The following PCNX2 variants were observed in gnomAD, a reference collection of about 807,000 sequenced individuals.
PCNX2 encodes pecanex 2, also known as pecanex-like protein 2.
Under a neutral mutation model 223.8 loss-of-function variants are expected in PCNX2, and 168 were observed. The ratio of observed to expected loss-of-function variants is 0.75; its 90% CI spans 0.66 to 0.85. The LOEUF is 0.85. Among genes scored for constraint, PCNX2 ranks in the 40% least tolerant of loss-of-function variants. The pLI, the probability that PCNX2 is intolerant of heterozygous loss-of-function variation, is 0.00. For missense variants in PCNX2, 2,507 were observed against 2,675.5 expected (o/e 0.94, Z 1.39); for synonymous variants, 1,006 against 1,052.6 (o/e 0.96, Z 0.86).
intron 1 of PCNX2, among the ~76,000 whole-genome samples, chr1:233,272,438 A>G (rs962854414): frequency 5.3e-5 from 8 of 152,212 alleles, no homozygotes; most frequent in African/African-American, 1.9e-4. Flanking sequence ...CAAAAACACA[A>G]TGCAATGCCA....
In PCNX2 at chr1:233,258,521, T is replaced by G. The variant is rs754994504; in HGVS notation, c.1341A>C (p.Glu447Asp). 1 of 1,614,016 alleles carries G rather than the reference T, an allele frequency of 6.2e-7. No homozygotes were observed. The highest frequency in any genetic ancestry group is 8.5e-7 in the Non-Finnish European group (1 of 1,179,890). ...EGGGGGVPCP[E>D]GNGSERTPER... is the part of the protein sequence containing the mutation. Reference sequence around the variant, plus strand: ...CTGGAGTCCTTTCACTTCCATTGCCTTCGGGACAGGGAACACCTCCTCCCC... The same window carrying G: ...CTGGAGTCCTTTCACTTCCATTGCCGTCGGGACAGGGAACACCTCCTCCCC... The change falls in exon 5 of 34, where the codon GAA becomes GAC. Residue 447 changes from glutamate to aspartate, a missense_variant. Coordinates refer to ENST00000258229, the MANE Select transcript of PCNX2 (RefSeq NM_014801.4).
the PCNX2 span, among the ~76,000 whole-genome samples, chr1:233,309,888 AAG>A: frequency 6.6e-6 from 1 of 152,166 alleles, no homozygotes; most frequent in African/African-American, 2.4e-5. Context: ...AAAATTAAAA[AAG>A]AAATAAAAAT....
chr1:233,017,234 T>A, intron 26 of PCNX2, 80 bp from the exon 27 acceptor site: 2 of 1,070,128 alleles, frequency 1.9e-6, no homozygotes, highest in Non-Finnish European at 2.7e-6. Flanking sequence ...GTAAGAGGCA[T>A]GAAATCCCTA....
intron 17 of PCNX2, among the ~76,000 whole-genome samples, chr1:233,172,029 T>G (rs1327432287): frequency 1.3e-5 from 2 of 152,220 alleles, no homozygotes; most frequent in East Asian, 3.9e-4. Flanking sequence ...TTTGTTTGTT[T>G]AGGAAATTCT....
intron 21 of PCNX2, chr1:233,112,869 T>C: frequency 7.8e-7 from 1 of 1,288,460 alleles, no homozygotes; most frequent in Non-Finnish European, 1.0e-6. Context: ...GGCAGAGGAG[T>C]TACTAGCGTG....
At chr1:233,156,332 G>C (rs573269195) in intron 19 of PCNX2, among the ~76,000 whole-genome samples, 2 of 152,180 alleles carry the variant, frequency 1.3e-5, no homozygotes, top group Non-Finnish European at 2.9e-5. Flanking sequence ...TATGCAGAAA[G>C]GAAAGTAAGC....
chr1:233,243,352 G>A (rs775548047), intron 8 of PCNX2, among the ~76,000 whole-genome samples: 1 of 152,182 alleles, frequency 6.6e-6, no homozygotes, highest in African/African-American at 2.4e-5. Context: ...ATGGGGAAAA[G>A]GCTGCTTTTC....
intron 10 of PCNX2, among the ~76,000 whole-genome samples, chr1:233,226,974 T>C (rs1189644755): frequency 6.6e-6 from 1 of 152,210 alleles, no homozygotes; most frequent in Non-Finnish European, 1.5e-5. Context: ...TTATTTCTCA[T>C]TATCTCTTAT....
intron 33 of PCNX2, chr1:232,985,875 C>G: frequency 3.2e-6 from 2 of 626,096 alleles, no homozygotes; most frequent in Non-Finnish European, 5.7e-6. Context: ...TGGGCATTAT[C>G]GTTTACAGGA....
chr1:233,290,841 G>A (rs371059973), intron 1 of PCNX2: 262 of 985,288 alleles, frequency 2.7e-4, no homozygotes, highest in Non-Finnish European at 3.0e-4. Context: ...GCCATAGAAC[G>A]AAAGACAGGC....
Position 233,139,714 on chromosome 1 carries a change from T to G in PCNX2, c.3659A>C (p.His1220Pro). ...LISNHRRLGT[H>P]WDIFLMIIAG... The stretch of plus-strand genomic sequence containing the variant: ...TGAAGATAAACCATTAACCACTTAC[T>G]GGGTACCAAGTCTCCGGTGATTGCT... The change falls in exon 20 of 34, where the codon CAC becomes CCC. Residue 1220 changes from histidine to proline, a missense_variant and splice_region_variant. His to Pro is a moderately conservative substitution (Grantham distance 77, BLOSUM62 -2). Transcript: ENST00000258229. This position sits in a 1 kb window ranked among gnomAD's most constrained non-coding sequence, Gnocchi z 4.4. 6.3e-7 allele frequency: 1 copy of G among 1,597,162 alleles called. No individual in the cohort carries two copies. The highest frequency in any genetic ancestry group is 2.2e-5 in the East Asian group (1 of 44,614).
intron 27 of PCNX2, among the ~76,000 whole-genome samples, chr1:233,015,850 A>T (rs932483083): frequency 4.6e-5 from 7 of 152,066 alleles, no homozygotes; most frequent in Non-Finnish European, 7.4e-5. Context: ...CTCCAGCCTA[A>T]GGAGAGTGAG....
At chr1:233,103,192 T>G (rs1345803306) in intron 21 of PCNX2, among the ~76,000 whole-genome samples, 2 of 152,144 alleles carry the variant, frequency 1.3e-5, no homozygotes, top group African/African-American at 4.8e-5. Context: ...ACATGAGATA[T>G]TTTGGTATAG....
rs1454378154 is a variant in PCNX2, at chr1:233,001,043, T to C, written c.5097+494A>G. On this transcript the variant is annotated intron_variant, in intron 29 of 33. Coordinates refer to ENST00000258229, the MANE Select transcript of PCNX2 (RefSeq NM_014801.4). This position sits in a 1 kb window ranked among gnomAD's most constrained non-coding sequence, Gnocchi z 4.2. Reference sequence around the variant, plus strand: ...TTCAGGCTGATCCTTTTTCTTTTTTTTTCCCCAAGAGACAGGGTCTTGCAC... The same window carrying C: ...TTCAGGCTGATCCTTTTTCTTTTTTCTTCCCCAAGAGACAGGGTCTTGCAC... 6.6e-6 allele frequency among the ~76,000 whole-genome samples: 1 copy of C among 152,154 alleles called. No individual in the cohort carries two copies. The highest frequency in any genetic ancestry group is 6.5e-5 in the Admixed American group (1 of 15,288).
chr1:233,232,499 A>G (rs1315286638), intron 9 of PCNX2, among the ~76,000 whole-genome samples: 1 of 152,248 alleles, frequency 6.6e-6, no homozygotes, highest in African/African-American at 2.4e-5. Context: ...AGGAACATCC[A>G]TATTTAAATG....
At chr1:233,324,468 A>G in the PCNX2 span, among the ~76,000 whole-genome samples, 1 of 152,142 alleles carries the variant, frequency 6.6e-6, no homozygotes, top group Admixed American at 6.5e-5. Flanking sequence ...AGTTTAAACC[A>G]ATGCTCATTT....
At chr1:233,109,945 G>A (rs1049082511) in intron 21 of PCNX2, among the ~76,000 whole-genome samples, 2 of 151,956 alleles carry the variant, frequency 1.3e-5, no homozygotes, top group African/African-American at 2.4e-5. Flanking sequence ...AAAATTAGCC[G>A]GGCTGTGGTG....
intron 19 of PCNX2, among the ~76,000 whole-genome samples, chr1:233,154,183 A>G (rs191736211): frequency 3.1e-4 from 47 of 152,172 alleles, no homozygotes; most frequent in African/African-American, 1.1e-3. Flanking sequence ...GGTTCAAGCG[A>G]TTCTCCTGCC....
chr1:233,031,741 C>T lies in PCNX2; in HGVS notation c.4352-6342G>A, dbSNP rs1025999338. ...TCCCAAATCTTCGGATTCCATTTGT[C>T]TTTCTGCCAGACCTCCTTGCTTTGG... is the stretch of plus-strand genomic sequence containing the variant. On this transcript the variant is annotated intron_variant, in intron 25 of 33. Transcript: ENST00000258229. The T allele has an allele frequency of 1.3e-5, 13 of 984,000 alleles. No individual in the cohort carries two copies. The African/African-American group carries it at 2.3e-4, about 17-fold the overall frequency. The allele number at this position is 984,000 out of a possible 1,614,324, so 61.0% of individuals were successfully genotyped here.
Sources: gnomAD v4.1 joint callset for allele counts (sites outside exome capture counted in the v4.1 genomes callset) on GRCh38, gnomAD v4.1.1 for gene constraint, Gnocchi (gnomAD v3.1) non-coding constraint, MANE v1.5 for transcripts, NCBI Gene and HGNC (gene_info 2026-07-23, HGNC 2026-07-21) for gene names.